CNTNAP2: variants seen among roughly 807,000 people sequenced by gnomAD.
CNTNAP2 encodes contactin associated protein 2.
Under a neutral mutation model 155.2 loss-of-function variants are expected in CNTNAP2, and 98 were observed. The ratio of observed to expected loss-of-function variants is 0.63; its 90% CI spans 0.54 to 0.75. The LOEUF (loss-of-function observed/expected upper bound fraction) is 0.75, where lower values mean the gene tolerates loss of function less well. Ranked by LOEUF, CNTNAP2 falls within the 30% of genes least tolerant of loss-of-function variation. CNTNAP2 has a pLI of 0.00. For synonymous variants in CNTNAP2, 651 were observed against 631.2 expected, an observed-to-expected ratio of 1.03 and a Z score of -0.47; for missense variants, 1,727 against 1,688.1, an observed-to-expected ratio of 1.02 and a Z score of -0.40.
rs1196309528 is a variant in CNTNAP2, at chr7:148,137,721, GAAGGAAGGAAGGAA to G, written c.2555-9769_2555-9756del. ...GGAAGGAAGGAAGGAAGGAAGGAAG[GAAGGAAGGAAGGAA>G]GGTTCTCCTTTCCTCTCTAATGTCT... On this transcript the variant is annotated intron_variant, in intron 16 of 23. Transcript: ENST00000361727. 4.4e-4 allele frequency among the ~76,000 whole-genome samples: 64 copies of G among 144,636 alleles called. 1 individual carries two copies. The highest frequency in any genetic ancestry group is 1.5e-3 in the African/African-American group (60 of 38,848). 94.9% of individuals were successfully genotyped at this position (144,636 alleles called of 152,430 possible).
chr7:148,069,759 CAAAA>C (rs57389619), intron 15 of CNTNAP2, among the ~76,000 whole-genome samples: 1 of 68,946 alleles, frequency 1.5e-5, no homozygotes, highest in Non-Finnish European at 3.4e-5. Flanking sequence ...GACTCCGTCT[CAAAA>C]AAAAAAAAAA....
chr7:146,946,159 C>T (rs1159566227), intron 3 of CNTNAP2, among the ~76,000 whole-genome samples: 1 of 148,568 alleles, frequency 6.7e-6, no homozygotes, highest in Admixed American at 6.8e-5. Flanking sequence ...TCCTTCCTTC[C>T]TCCCTTTTCT....
chr7:146,117,027 G>A, intron 1 of CNTNAP2, 54 bp downstream of exon 1: 1 of 1,456,568 alleles, frequency 6.9e-7, no homozygotes. Flanking sequence ...CGGCATTGAT[G>A]TTTGGCACCA....
intron 12 of CNTNAP2, among the ~76,000 whole-genome samples, chr7:147,613,573 C>T (rs1350043613): frequency 6.6e-6 from 1 of 152,116 alleles, no homozygotes; most frequent in Non-Finnish European, 1.5e-5. Context: ...TGCAGTGGCT[C>T]ATGTCTATAA....
intron 1 of CNTNAP2, among the ~76,000 whole-genome samples, chr7:146,626,095 G>A (rs347220): frequency 0.45 from 68,431 of 151,834 alleles, 15,890 homozygotes; most frequent in South Asian, 0.54. Flanking sequence ...TTATCTAAAT[G>A]AAGGATTAGA....
At chr7:147,839,926 A>G (rs546272059) in intron 13 of CNTNAP2, among the ~76,000 whole-genome samples, 3 of 145,426 alleles carry the variant, frequency 2.1e-5, no homozygotes, top group African/African-American at 7.5e-5. Flanking sequence ...TGTGCTGTGT[A>G]TATATATATG....
chr7:147,030,058 C>A (rs370310391), intron 3 of CNTNAP2, among the ~76,000 whole-genome samples: 2 of 152,316 alleles, frequency 1.3e-5, no homozygotes, highest in South Asian at 2.1e-4. Flanking sequence ...GCAGTATAAT[C>A]TATCTGTTCT....
chr7:147,048,020 A>C (rs1799399409), intron 4 of CNTNAP2, among the ~76,000 whole-genome samples: 1 of 151,924 alleles, frequency 6.6e-6, no homozygotes, highest in Admixed American at 6.6e-5. Flanking sequence ...TAAGCATATA[A>C]GTATTTGCAG....
intron 1 of CNTNAP2, among the ~76,000 whole-genome samples, chr7:146,760,409 CTTTTTTTTTTTTTT>C (rs532820418): frequency 4.8e-4 from 27 of 56,302 alleles, no homozygotes; most frequent in South Asian, 3.5e-3. Context: ...TCCAATTTAC[CTTTTTTTTTTTTTT>C]TTTTTTTTTT....
intron 15 of CNTNAP2, among the ~76,000 whole-genome samples, chr7:148,052,822 G>A (rs565771792): frequency 5.2e-4 from 79 of 152,304 alleles, no homozygotes; most frequent in South Asian, 4.4e-3. Context: ...CAAGGTGAGC[G>A]GATTACTTGA....
At chr7:147,491,252 C>T (rs1056804399) in intron 11 of CNTNAP2, among the ~76,000 whole-genome samples, 7 of 152,136 alleles carry the variant, frequency 4.6e-5, no homozygotes, top group African/African-American at 1.7e-4. Context: ...CCCTTCAATG[C>T]ACTGGCCTCC....
intron 10 of CNTNAP2, among the ~76,000 whole-genome samples, chr7:147,415,487 CTCT>C (rs1044389377): frequency 9.9e-5 from 15 of 152,276 alleles, no homozygotes; most frequent in African/African-American, 3.6e-4. Context: ...TTTTAAGCGG[CTCT>C]TCTTCTTTCA....
At position 148,207,680 on chromosome 7, in the gene CNTNAP2, C is replaced by T. The variant is rs115315046; in HGVS notation, c.3011-9608C>T. Among the ~76,000 whole-genome samples the T allele has an allele frequency of 3.2e-3, 485 of 152,236 alleles. 2 individuals are homozygous for T. Among genetic ancestry groups the T allele is most frequent in the African/African-American group, 0.011 (453 of 41,542 alleles). On this transcript the variant is annotated intron_variant, in intron 18 of 23. Transcript: ENST00000361727. ...ACACTTCCCCCAAAATGATATGCCA[C>T]ATTCTAAGAAGAGGGATATATTTTA...
intron 11 of CNTNAP2, among the ~76,000 whole-genome samples, chr7:147,529,525 C>A (rs1391744615): frequency 3.3e-5 from 5 of 152,016 alleles, no homozygotes; most frequent in Admixed American, 2.6e-4. Flanking sequence ...ATTTCCAGAG[C>A]AAAGTAACAA....
chr7:147,697,162 CAG>C (rs1340203915), intron 13 of CNTNAP2, among the ~76,000 whole-genome samples: 3 of 152,132 alleles, frequency 2.0e-5, no homozygotes, highest in African/African-American at 7.2e-5. Flanking sequence ...AATTAAATGT[CAG>C]TCACCAAAGC....
intron 23 of CNTNAP2, among the ~76,000 whole-genome samples, 151 bp from the exon 24 acceptor site, chr7:148,415,257 AAACAGACAT>A (rs901085333): frequency 4.6e-5 from 7 of 152,216 alleles, no homozygotes; most frequent in African/African-American, 1.7e-4. Flanking sequence ...TCATGGACAA[AAACAGACAT>A]CTTACTTCAT....
intron 1 of CNTNAP2, among the ~76,000 whole-genome samples, chr7:146,273,401 G>T (rs1275645558): frequency 6.6e-6 from 1 of 152,076 alleles, no homozygotes; most frequent in Non-Finnish European, 1.5e-5. Flanking sequence ...TCTGTGAAGT[G>T]CCAGCTAGTA....
At chr7:146,943,045 A>T (rs936629857) in intron 3 of CNTNAP2, among the ~76,000 whole-genome samples, 2 of 152,210 alleles carry the variant, frequency 1.3e-5, no homozygotes, top group African/African-American at 4.8e-5. Flanking sequence ...CAATGTGAGA[A>T]TTAAGGGCAC....
At chr7:147,154,159 G>A (rs940507118) in intron 8 of CNTNAP2, among the ~76,000 whole-genome samples, 3 of 151,950 alleles carry the variant, frequency 2.0e-5, no homozygotes, top group Non-Finnish European at 2.9e-5. Flanking sequence ...ATTCATAATG[G>A]CATTGATAAG....
Sources: gnomAD v4.1 joint callset for allele counts (sites outside exome capture counted in the v4.1 genomes callset) on GRCh38, gnomAD v4.1.1 for gene constraint, MANE v1.5 for transcripts, NCBI Gene and HGNC (gene_info 2026-07-23, HGNC 2026-07-21) for gene names.